The following SLC38A8 variants were observed in gnomAD, a reference collection of about 807,000 sequenced individuals.
SLC38A8 encodes amino acid transporter SLC38A8.
Under a neutral mutation model 46.0 loss-of-function variants are expected in SLC38A8, and 65 were observed. The observed-to-expected ratio is 1.41, with a 90% confidence interval of 1.16 to 1.74. The LOEUF is 1.74. Ranked by LOEUF, SLC38A8 falls within the 40% of genes most tolerant of loss-of-function variation. The probability of loss-of-function intolerance (pLI) is 0.00; values close to 1 mark genes in which losing one functional copy is unlikely to be tolerated. For missense variants in SLC38A8, 998 were observed against 567.9 expected (o/e 1.76, Z -7.70); for synonymous variants, 447 against 243.7 (o/e 1.83, Z -7.77).
chr16:84,023,508 G>A (rs1482357772), intron 6 of SLC38A8, among the ~76,000 whole-genome samples: 1 of 152,014 alleles, frequency 6.6e-6, no homozygotes, highest in East Asian at 1.9e-4. Flanking sequence ...GTAAATGGCA[G>A]GATACTAACA....
chr16:84,033,025 T>TGTGTGG (rs1407574619), intron 4 of SLC38A8, among the ~76,000 whole-genome samples: 2 of 148,282 alleles, frequency 1.3e-5, no homozygotes, highest in African/African-American at 5.0e-5. Flanking sequence ...TGGGTGTGTA[T>TGTGTGG]GTGTGGGTGT....
intron 2 of SLC38A8, chr16:84,041,151 CAA>C (rs2085362433): frequency 6.6e-6 from 1 of 152,414 alleles, no homozygotes; most frequent in East Asian, 1.9e-4. Flanking sequence ...TCTCCCGCAG[CAA>C]AGAGAAGAGC....
At chr16:84,035,715 G>C (rs1373969548) in intron 3 of SLC38A8, among the ~76,000 whole-genome samples, 2 of 152,192 alleles carry the variant, frequency 1.3e-5, no homozygotes, top group South Asian at 2.1e-4. Context: ...ATTAATGGTA[G>C]AGAAGACAGA....
chr16:84,015,996 T>A (rs1191738742), intron 9 of SLC38A8, among the ~76,000 whole-genome samples: 1 of 152,098 alleles, frequency 6.6e-6, no homozygotes, highest in Non-Finnish European at 1.5e-5. Flanking sequence ...AGGTAATTTA[T>A]AAAGAAAAGA....
chr16:84,038,559 G>T (rs1324857968), intron 2 of SLC38A8, among the ~76,000 whole-genome samples: 3 of 152,212 alleles, frequency 2.0e-5, no homozygotes, highest in Non-Finnish European at 4.4e-5. Flanking sequence ...CTTGATGTTT[G>T]TTCATTCACC....
At chr16:84,012,861 G>A (rs2084970356) in intron 10 of SLC38A8, 140 bp downstream of exon 10, 1 of 953,704 alleles carries the variant, frequency 1.0e-6, no homozygotes, top group East Asian at 2.4e-5. Context: ...TGGGTAGACA[G>A]AGACTCTCTT....
At chr16:84,030,363 C>G (rs1597269540) in intron 5 of SLC38A8, among the ~76,000 whole-genome samples, 2 of 152,152 alleles carry the variant, frequency 1.3e-5, no homozygotes, top group African/African-American at 4.8e-5. Flanking sequence ...CCTCCTCATC[C>G]CCTCGACCTG....
Position 84,024,510 on chromosome 16 carries a change from G to A in SLC38A8, c.691-1621C>T, listed in dbSNP as rs150004933. On this transcript the variant is annotated intron_variant, in intron 6 of 10. Transcript: ENST00000299709. ...AGAATTTTAAACGCAGGAGGGAGCG[G>A]TGGCTCACGCCTGTAATCCCAGCAC... 1.4e-4 allele frequency among the ~76,000 whole-genome samples: 22 copies of A among 152,182 alleles called. No homozygotes were observed. In the East Asian group the frequency reaches 4.3e-3, roughly 30 times the overall value.
intron 2 of SLC38A8, among the ~76,000 whole-genome samples, chr16:84,040,545 G>A (rs1158721087): frequency 5.3e-5 from 8 of 152,152 alleles, no homozygotes; most frequent in Admixed American, 3.9e-4. Flanking sequence ...TGCTGCCCGG[G>A]GATTGGCCAC....
chr16:84,039,424 G>A lies in SLC38A8; in HGVS notation c.190-2524C>T, dbSNP rs538302512. 2.0e-5 allele frequency among the ~76,000 whole-genome samples: 3 copies of A among 152,266 alleles called. No homozygotes were observed. The South Asian group carries it at 6.2e-4, about 32-fold the overall frequency. On this transcript the variant is annotated intron_variant, in intron 2 of 10. Coordinates refer to ENST00000299709, the MANE Select transcript of SLC38A8 (RefSeq NM_001080442.3). Reference sequence around the variant, plus strand: ...TGCCCCAGAGAAGGGCCTGACAAATGCAGACACTCATAAAACATCTGTGGT... The same window carrying A: ...TGCCCCAGAGAAGGGCCTGACAAATACAGACACTCATAAAACATCTGTGGT...
intron 8 of SLC38A8, 156 bp from the exon 9 acceptor site, chr16:84,016,883 A>AG: frequency 9.7e-7 from 1 of 1,035,388 alleles, no homozygotes; most frequent in South Asian, 1.7e-5. Context: ...GCCAACCCTC[A>AG]GGGGTTCTGC....
chr16:84,018,725 C>A (rs12447570), intron 7 of SLC38A8, among the ~76,000 whole-genome samples: 4,405 of 152,278 alleles, frequency 0.029, 122 homozygotes, highest in East Asian at 0.093. Flanking sequence ...TCATTGGGAT[C>A]TTAACACAGT....
chr16:84,025,036 T>A (rs12930439), intron 6 of SLC38A8, among the ~76,000 whole-genome samples: 14 of 151,924 alleles, frequency 9.2e-5, no homozygotes, highest in African/African-American at 3.4e-4. Context: ...CCATGAGTCA[T>A]GTGAATTCAT....
intron 6 of SLC38A8, among the ~76,000 whole-genome samples, chr16:84,028,508 G>C (rs906718129): frequency 6.6e-6 from 1 of 151,228 alleles, no homozygotes; most frequent in Non-Finnish European, 1.5e-5. Context: ...GTGCAGTGCA[G>C]TGAGCTGAGA....
At chr16:84,017,662 C>G (rs897004203) in intron 7 of SLC38A8, among the ~76,000 whole-genome samples, 30 of 152,244 alleles carry the variant, frequency 2.0e-4, no homozygotes, top group Non-Finnish European at 4.4e-5. Flanking sequence ...GCTGTGCACA[C>G]ATTTCCAAAT....
chr16:84,042,247 A>G, intron 1 of SLC38A8, 88 bp from the exon 2 acceptor site: 1 of 1,426,600 alleles, frequency 7.0e-7, no homozygotes, highest in Non-Finnish European at 9.4e-7. Flanking sequence ...TCCCCAACTC[A>G]GTGAGAGCTC....
At chr16:84,022,370 T>C (rs1188278117) in intron 7 of SLC38A8, among the ~76,000 whole-genome samples, 1 of 152,130 alleles carries the variant, frequency 6.6e-6, no homozygotes, top group Non-Finnish European at 1.5e-5. Flanking sequence ...CACACACAGT[T>C]TGTGAGCACC....
chr16:84,029,503 G>C lies in SLC38A8; in HGVS notation c.681C>G (p.Phe227Leu), dbSNP rs554452066. ...SVFSVFPTIC[F>L]GFQCHEAAVS... ...CAGATGCTAAAATTACCTGAAACCC[G>C]AAGCAGATGGTGGGGAAGACACTGA... Residue 227 changes from phenylalanine to leucine, a missense_variant, in exon 6 of 11, where the codon TTC becomes TTG. Transcript: ENST00000299709. 1 of 1,614,110 alleles carries C rather than the reference G, an allele frequency of 6.2e-7. No individual in the cohort carries two copies. Among genetic ancestry groups the C allele is most frequent in the South Asian group, 1.1e-5 (1 of 91,070 alleles).
intron 8 of SLC38A8, 84 bp from the exon 9 acceptor site, chr16:84,016,811 G>C: frequency 1.4e-6 from 2 of 1,410,228 alleles, no homozygotes; most frequent in Non-Finnish European, 1.9e-6. Flanking sequence ...TCCTCCAGGA[G>C]TCCCCTCACA....
Sources: allele counts gnomAD v4.1 joint callset (sites outside exome capture counted in the v4.1 genomes callset), GRCh38; gene constraint gnomAD v4.1.1; transcripts MANE v1.5; gene names NCBI Gene and HGNC (gene_info 2026-07-23, HGNC 2026-07-21).